The following APBA2 variants were observed in gnomAD, a reference collection of about 807,000 sequenced individuals.
The protein encoded by APBA2 is amyloid-beta A4 precursor protein-binding family A member 2.
APBA2 carries 30 observed loss-of-function variants against 75.0 expected under a neutral mutation model. The observed-to-expected ratio is 0.40, with a 90% CI of 0.30 to 0.54. The LOEUF (loss-of-function observed/expected upper bound fraction) is 0.54. APBA2 is among the 20% of genes least tolerant of loss of function. The pLI is 0.49. For synonymous variants in APBA2, 444 were observed against 409.6 expected, an observed-to-expected ratio of 1.08 and a Z score of -1.01; for missense variants, 801 against 1,016.1, an observed-to-expected ratio of 0.79 and a Z score of 2.88.
At chr15:28,920,735 C>G (rs1305204582) in intron 1 of APBA2, among the ~76,000 whole-genome samples, 1 of 152,176 alleles carries the variant, frequency 6.6e-6, no homozygotes, top group African/African-American at 2.4e-5. Flanking sequence ...TGTCAGCTCC[C>G]TCGTTTGGTG....
chr15:29,115,906 C>T (rs962528469), intron 14 of APBA2, among the ~76,000 whole-genome samples: 4 of 152,198 alleles, frequency 2.6e-5, no homozygotes, highest in Non-Finnish European at 5.9e-5. Flanking sequence ...GGCAGATGCA[C>T]GGCGGCTGCA....
At chr15:29,032,148 T>A (rs2040520431) in intron 3 of APBA2, among the ~76,000 whole-genome samples, 1 of 152,238 alleles carries the variant, frequency 6.6e-6, no homozygotes, top group East Asian at 1.9e-4. Context: ...CTGGTGTGTG[T>A]CAAAGAGGCA....
At chr15:29,085,297 G>A (rs970202692) in intron 6 of APBA2, among the ~76,000 whole-genome samples, 14 of 152,000 alleles carry the variant, frequency 9.2e-5, no homozygotes, top group Admixed American at 2.0e-4. Context: ...AGGCTAAGAC[G>A]GGTGGATCAC....
chr15:28,999,342 T>A (rs1440753526), intron 3 of APBA2, among the ~76,000 whole-genome samples: 1 of 152,194 alleles, frequency 6.6e-6, no homozygotes, highest in Non-Finnish European at 1.5e-5. Flanking sequence ...GAATTTACTG[T>A]GAGAGATTTG....
intron 1 of APBA2, chr15:28,895,612 A>C (rs949116813): frequency 6.6e-6 from 1 of 152,254 alleles, no homozygotes; most frequent in African/African-American, 2.4e-5. Context: ...TTTCGTGGGT[A>C]AGTTGCTGTA....
In APBA2 at chr15:29,046,904, C is replaced by T. The variant is rs1253854053; in HGVS notation, c.-40-6941C>T. Among the ~76,000 whole-genome samples, 1 of 152,260 alleles carries T rather than the reference C, an allele frequency of 6.6e-6. No homozygotes were observed. Among genetic ancestry groups the T allele is most frequent in the Non-Finnish European group, 1.5e-5 (1 of 68,052 alleles). ...TGTCAGCAGAGTTCCCCGTTCCCAT[C>T]TAAGACATTCACCTCATCAGGCATC... On this transcript the variant is annotated intron_variant, in intron 3 of 14. Coordinates refer to ENST00000683413, the MANE Select transcript of APBA2 (RefSeq NM_001353788.2). The surrounding 1 kb of genome is among the most constrained non-coding windows in gnomAD (Gnocchi z 5.0).
intron 1 of APBA2, among the ~76,000 whole-genome samples, chr15:28,919,877 G>C (rs1295099592): frequency 1.3e-5 from 2 of 152,190 alleles, no homozygotes; most frequent in Non-Finnish European, 2.9e-5. Flanking sequence ...GAGCATGGCT[G>C]TGGGTGCTCC....
intron 3 of APBA2, among the ~76,000 whole-genome samples, chr15:29,043,785 G>GGA: frequency 6.6e-6 from 1 of 152,172 alleles, no homozygotes; most frequent in East Asian, 1.9e-4. Context: ...ACATCCCTTT[G>GGA]TGACCCTAAG....
chr15:29,107,336 G>A (rs1474286229), intron 12 of APBA2, among the ~76,000 whole-genome samples: 1 of 152,162 alleles, frequency 6.6e-6, no homozygotes. Flanking sequence ...TGAGGGGTCA[G>A]GCAGAAGGGT....
intron 4 of APBA2, among the ~76,000 whole-genome samples, chr15:29,065,495 C>T (rs898291475): frequency 2.0e-5 from 3 of 152,116 alleles, no homozygotes; most frequent in Non-Finnish European, 2.9e-5. Flanking sequence ...GGGGGCTGAC[C>T]TATTAGAATA....
chr15:28,899,543 G>A (rs1166643826), intron 1 of APBA2, among the ~76,000 whole-genome samples: 3 of 152,350 alleles, frequency 2.0e-5, no homozygotes, highest in African/African-American at 7.2e-5. Context: ...CGTTGCAGCC[G>A]GTTGGAGGCT....
intron 2 of APBA2, among the ~76,000 whole-genome samples, chr15:28,938,760 A>G (rs1349039131): frequency 6.6e-6 from 1 of 152,094 alleles, no homozygotes; most frequent in Non-Finnish European, 1.5e-5. Context: ...CTGCCTGCCT[A>G]GGCCTCCCAA....
intron 4 of APBA2, among the ~76,000 whole-genome samples, chr15:29,055,283 G>A (rs1363378063): frequency 6.6e-6 from 1 of 152,210 alleles, no homozygotes; most frequent in Non-Finnish European, 1.5e-5. Flanking sequence ...CCTGGTGGCT[G>A]GGGTCGGGGC....
At chr15:28,899,220 G>T (rs2032698881) in intron 1 of APBA2, among the ~76,000 whole-genome samples, 1 of 152,196 alleles carries the variant, frequency 6.6e-6, no homozygotes, top group African/African-American at 2.4e-5. Context: ...CCAGGCAAGG[G>T]CCCAACCCCT....
chr15:28,973,894 A>G (rs935934877), intron 2 of APBA2, among the ~76,000 whole-genome samples: 1 of 152,194 alleles, frequency 6.6e-6, no homozygotes, highest in Non-Finnish European at 1.5e-5. Flanking sequence ...AAGAAATGCA[A>G]AAACAAAACA....
intron 3 of APBA2, among the ~76,000 whole-genome samples, chr15:29,028,428 C>G (rs534281405): frequency 6.6e-6 from 1 of 152,272 alleles, no homozygotes; most frequent in East Asian, 1.9e-4. Context: ...TGGGTTGATT[C>G]CATGTCTTTG....
intron 2 of APBA2, among the ~76,000 whole-genome samples, chr15:28,966,793 A>G (rs931310527): frequency 1.1e-4 from 16 of 152,010 alleles, no homozygotes; most frequent in Non-Finnish European, 1.9e-4. Flanking sequence ...TTAGAGTCCC[A>G]CATTTCCTTA....
At chr15:28,926,720 G>A (rs2034280141) in intron 2 of APBA2, among the ~76,000 whole-genome samples, 1 of 151,944 alleles carries the variant, frequency 6.6e-6, no homozygotes, top group Admixed American at 6.6e-5. Context: ...TGCCAGTAAT[G>A]AATTCCCTTG....
intron 3 of APBA2, among the ~76,000 whole-genome samples, chr15:29,052,982 C>A (rs1240130534): frequency 6.6e-6 from 1 of 152,180 alleles, no homozygotes; most frequent in East Asian, 1.9e-4. Context: ...TCAAAGGTCC[C>A]ACCTCTCAAC....
Sources: allele counts gnomAD v4.1 joint callset (sites outside exome capture counted in the v4.1 genomes callset), GRCh38; gene constraint gnomAD v4.1.1; non-coding constraint Gnocchi (gnomAD v3.1); transcripts MANE v1.5; gene names NCBI Gene and HGNC (gene_info 2026-07-23, HGNC 2026-07-21).